The following ACP3 variants were observed in gnomAD, a reference collection of about 807,000 sequenced individuals.
The protein encoded by ACP3 is prostatic acid phosphatase.
In ACP3, 38 loss-of-function variants were observed where a neutral mutation model predicts 45.6. The observed-to-expected ratio is 0.83, with a 90% CI of 0.64 to 1.09. The LOEUF (loss-of-function observed/expected upper bound fraction) is 1.09. Ranked by LOEUF, ACP3 falls within the 50% of genes least tolerant of loss-of-function variation. The pLI, the probability that ACP3 is intolerant of heterozygous loss-of-function variation, is 0.00. For synonymous variants in ACP3, 162 were observed against 164.7 expected, an observed-to-expected ratio of 0.98 and a Z score of 0.13; for missense variants, 466 against 463.2, an observed-to-expected ratio of 1.01 and a Z score of -0.05.
At chr3:132,331,281 C>T (rs187790162) in intron 2 of ACP3, among the ~76,000 whole-genome samples, 3 of 152,320 alleles carry the variant, frequency 2.0e-5, no homozygotes, top group Admixed American at 6.5e-5. Flanking sequence ...TGAGCTTCTT[C>T]CACAAAATCC....
At chr3:132,337,261 A>G (rs1937507454) in intron 4 of ACP3, 195 bp from the exon 5 acceptor site, 1 of 429,410 alleles carries the variant, frequency 2.3e-6, no homozygotes, top group Non-Finnish European at 4.2e-6. Flanking sequence ...TTCTGAATAC[A>G]TATCCTACTA....
chr3:132,321,863 G>A (rs1330026802), intron 1 of ACP3, among the ~76,000 whole-genome samples: 1 of 152,150 alleles, frequency 6.6e-6, no homozygotes, highest in Non-Finnish European at 1.5e-5. Context: ...TAAGCTAAAT[G>A]TCTGAATAAT....
intron 6 of ACP3, among the ~76,000 whole-genome samples, chr3:132,344,288 A>G (rs1937583571): frequency 6.6e-6 from 1 of 151,396 alleles, no homozygotes; most frequent in African/African-American, 2.4e-5. Context: ...AAAAAAAAAA[A>G]AAAAAAAAAG....
intron 2 of ACP3, among the ~76,000 whole-genome samples, chr3:132,329,024 T>G (rs146565754): frequency 3.9e-5 from 6 of 152,324 alleles, no homozygotes; most frequent in African/African-American, 1.4e-4. Flanking sequence ...AGTGGTCAGT[T>G]AAACACAGGG....
intron 4 of ACP3, 127 bp from the exon 5 acceptor site, chr3:132,337,329 C>A: frequency 1.7e-6 from 1 of 572,568 alleles, no homozygotes; most frequent in Non-Finnish European, 3.1e-6. Flanking sequence ...TTCCACTCAG[C>A]TCAAAACACA....
chr3:132,368,146 C>G (rs1312950315), exon 11 of ACP3: 2 of 198,246 alleles, frequency 1.0e-5, no homozygotes, highest in Admixed American at 1.2e-4. Context: ...AGCCTTTTAC[C>G]TGCAAAGAGT....
At chr3:132,360,904 A>G (rs35184794), downstream of ACP3, among the ~76,000 whole-genome samples, 6,394 of 152,228 alleles carry the variant, frequency 0.042, 182 homozygotes, top group African/African-American at 0.068. Flanking sequence ...GCCTTCAATC[A>G]ATATTTGCTA....
chr3:132,343,973 A>G (rs1937579373), intron 6 of ACP3, among the ~76,000 whole-genome samples: 2 of 151,998 alleles, frequency 1.3e-5, no homozygotes, highest in African/African-American at 4.8e-5. Context: ...ACCTCTACAA[A>G]ACACTTTTAA....
At chr3:132,324,919 G>A (rs921169102) in intron 1 of ACP3, among the ~76,000 whole-genome samples, 1 of 152,138 alleles carries the variant, frequency 6.6e-6, no homozygotes, top group African/African-American at 2.4e-5. Flanking sequence ...GGGATTATAG[G>A]CATGAGCCAC....
intron 7 of ACP3, among the ~76,000 whole-genome samples, chr3:132,348,287 G>A (rs909480203): frequency 3.9e-5 from 6 of 152,108 alleles, no homozygotes; most frequent in African/African-American, 9.7e-5. Context: ...AGCTTTCCAC[G>A]ATAGCATGTT....
intron 3 of ACP3, 106 bp from the exon 4 acceptor site, chr3:132,332,086 A>G: frequency 2.4e-6 from 3 of 1,232,908 alleles, no homozygotes; most frequent in East Asian, 2.3e-5. Flanking sequence ...TGTCTGTAAT[A>G]TTTCACTGTG....
intron 2 of ACP3, among the ~76,000 whole-genome samples, chr3:132,331,332 C>T (rs1241529323): frequency 6.6e-6 from 1 of 152,206 alleles, no homozygotes; most frequent in Non-Finnish European, 1.5e-5. Flanking sequence ...CAACAAGGAT[C>T]CCACTACATC....
intron 1 of ACP3, among the ~76,000 whole-genome samples, chr3:132,324,767 C>T (rs1267402127): frequency 1.3e-5 from 2 of 152,112 alleles, no homozygotes; most frequent in South Asian, 2.1e-4. Context: ...CTCAGTCTCC[C>T]GAGTAGCTGG....
intron 10 of ACP3, among the ~76,000 whole-genome samples, chr3:132,366,916 T>A (rs1341205707): frequency 2.6e-5 from 4 of 152,200 alleles, no homozygotes; most frequent in Non-Finnish European, 4.4e-5. Flanking sequence ...TTCACCTGTC[T>A]TCTATGCTGC....
chr3:132,343,484 G>T (rs1014806068), intron 6 of ACP3, among the ~76,000 whole-genome samples: 1 of 152,122 alleles, frequency 6.6e-6, no homozygotes, highest in Non-Finnish European at 1.5e-5. Context: ...CATTGTAAAA[G>T]ACTCTTCAGT....
At chr3:132,333,231 C>T (rs1277664164) in intron 4 of ACP3, among the ~76,000 whole-genome samples, 1 of 152,158 alleles carries the variant, frequency 6.6e-6, no homozygotes, top group Non-Finnish European at 1.5e-5. Context: ...TTGAGAGAAA[C>T]TCTCAAACGT....
At chr3:132,328,632 T>C (rs987389712) in intron 2 of ACP3, among the ~76,000 whole-genome samples, 18 of 134,004 alleles carry the variant, frequency 1.3e-4, no homozygotes, top group African/African-American at 5.2e-4. Flanking sequence ...TGAGCCAAGA[T>C]CGCACCATTG....
At chr3:132,339,681 C>A (rs556413551) in intron 5 of ACP3, among the ~76,000 whole-genome samples, 8 of 152,220 alleles carry the variant, frequency 5.3e-5, no homozygotes, top group African/African-American at 1.9e-4. Flanking sequence ...TTCTTCAGGA[C>A]CACCACATTC....
rs1158442824 is a variant in ACP3 at position 132,349,906 on chromosome 3, T to C, written c.782-14T>C. ...TGTTTGGTTCAGTTTGGTTATTGAT[T>C]CATCTTCTTTAAGGTGTCCTGGTCA... On this transcript the variant is annotated splice_polypyrimidine_tract_variant and intron_variant, in intron 7 of 9. Coordinates refer to ENST00000336375, the MANE Select transcript of ACP3 (RefSeq NM_001099.5). The C allele has an allele frequency of 1.6e-5, 25 of 1,589,834 alleles. No individual in the cohort carries two copies. The highest frequency in any genetic ancestry group is 2.2e-5 in the Non-Finnish European group (25 of 1,158,686).
Sources: gnomAD v4.1 joint callset for allele counts (sites outside exome capture counted in the v4.1 genomes callset) on GRCh38, gnomAD v4.1.1 for gene constraint, MANE v1.5 for transcripts, NCBI Gene and HGNC (gene_info 2026-07-23, HGNC 2026-07-21) for gene names.